SHTN1: variants seen among roughly 807,000 people sequenced by gnomAD.
SHTN1 encodes shootin-1.
Under a neutral mutation model 83.1 loss-of-function variants are expected in SHTN1, and 42 were observed. That is an observed-to-expected ratio of 0.51 (90% CI 0.39 to 0.65). SHTN1 has a LOEUF of 0.65. SHTN1 is among the 30% of genes least tolerant of loss of function. SHTN1 has a pLI of 0.00. For missense variants in SHTN1, 622 were observed against 737.8 expected, an observed-to-expected ratio of 0.84 and a Z score of 1.82; for synonymous variants, 224 against 247.7, an observed-to-expected ratio of 0.90 and a Z score of 0.90.
chr10:116,994,921 A>G (rs947418208), intron 1 of SHTN1, among the ~76,000 whole-genome samples: 7 of 152,180 alleles, frequency 4.6e-5, no homozygotes, highest in African/African-American at 1.7e-4. Flanking sequence ...AAACATTGTC[A>G]AATAACATGT....
At position 116,884,417 on chromosome 10, in the gene SHTN1, A is replaced by T. The variant is rs962777671; in HGVS notation, c.*1927T>A. 1.4e-5 allele frequency: 5 copies of T among 368,380 alleles called. No homozygotes were observed. The highest frequency in any genetic ancestry group is 1.1e-4 in the African/African-American group (5 of 47,280). 22.8% of individuals were successfully genotyped at this position (368,380 alleles called of 1,614,324 possible). ...ACAGTGAGAGAAAGTAAGCAGCTTA[A>T]AAAAGGCAGGAATACTTTCAAAATA... On this transcript the variant is annotated 3_prime_UTR_variant, in exon 17 of 17. Coordinates refer to ENST00000355371, the MANE Select transcript of SHTN1 (RefSeq NM_001127211.3).
intron 1 of SHTN1, among the ~76,000 whole-genome samples, chr10:116,981,574 C>T (rs1176453004): frequency 6.6e-6 from 1 of 152,182 alleles, no homozygotes; most frequent in Non-Finnish European, 1.5e-5. Flanking sequence ...CATGATCCCA[C>T]ATCTTACTAC....
At chr10:116,973,926 T>C in intron 2 of SHTN1, 1 of 1,280,870 alleles carries the variant, frequency 7.8e-7, no homozygotes, top group South Asian at 1.2e-5. Context: ...ACAATTCTAC[T>C]GCTCCACCTA....
chr10:117,112,639 G>A (rs1277395792), intron 1 of SHTN1, among the ~76,000 whole-genome samples: 1 of 152,196 alleles, frequency 6.6e-6, no homozygotes, highest in Non-Finnish European at 1.5e-5. Context: ...CAGAGTTAAT[G>A]AGAAATAGAA....
intron 1 of SHTN1, among the ~76,000 whole-genome samples, chr10:117,086,081 C>G (rs1389440890): frequency 2.0e-5 from 3 of 152,182 alleles, no homozygotes; most frequent in South Asian, 4.2e-4. Context: ...CCACCACGCC[C>G]AGCTAATTTT....
At chr10:116,918,789 C>T (rs1452753781) in intron 12 of SHTN1, among the ~76,000 whole-genome samples, 1 of 152,140 alleles carries the variant, frequency 6.6e-6, no homozygotes, top group Non-Finnish European at 1.5e-5. Context: ...TACAGATTAG[C>T]AAATCAAGGC....
At position 116,940,573 on chromosome 10, in the gene SHTN1, G is replaced by A; in HGVS notation, c.751C>T (p.Leu251Phe). Residue 251 changes from leucine to phenylalanine, a missense_variant, in exon 9 of 17, where the codon CTT (leucine) becomes TTT (phenylalanine). This residue lies in a region of SHTN1 where 383 missense variants were observed against 455.8 expected (regional missense o/e 0.84). Coordinates refer to ENST00000355371, the MANE Select transcript of SHTN1 (RefSeq NM_001127211.3). ...TCAGGGATGGAGCTCTGCAGCAGAA[G>A]GTGGCTTTGTCTCTTTAGCTTGTTT... ...EQNKLKRQSH[L>F]LLQSSIPDQQ... The A allele has an allele frequency of 1.2e-6, 2 of 1,612,354 alleles. No homozygotes were observed. The highest frequency in any genetic ancestry group is 1.7e-6 in the Non-Finnish European group (2 of 1,178,954).
At chr10:116,895,414 A>T (rs1193842123) in intron 16 of SHTN1, among the ~76,000 whole-genome samples, 1 of 152,228 alleles carries the variant, frequency 6.6e-6, no homozygotes, top group Non-Finnish European at 1.5e-5. Flanking sequence ...AAATTGAAAT[A>T]ATTTCTTTCC....
chr10:117,073,636 G>C (rs1289358001), intron 1 of SHTN1, among the ~76,000 whole-genome samples: 1 of 152,198 alleles, frequency 6.6e-6, no homozygotes, highest in Non-Finnish European at 1.5e-5. Flanking sequence ...AAGTATGGGT[G>C]ATGCCACCTC....
chr10:117,115,938 T>C (rs1413747480), intron 1 of SHTN1, among the ~76,000 whole-genome samples: 1 of 152,164 alleles, frequency 6.6e-6, no homozygotes, highest in Admixed American at 6.5e-5. Flanking sequence ...TTTTAATAGC[T>C]ATACAATCTT....
intron 4 of SHTN1, among the ~76,000 whole-genome samples, chr10:116,957,256 CTT>C (rs374905540): frequency 1.3e-4 from 18 of 135,112 alleles, no homozygotes; most frequent in African/African-American, 2.2e-4. Context: ...TATCTTTTTA[CTT>C]TTTTTTTTTT....
Position 117,005,138 on chromosome 10 carries a change from G to C in SHTN1, c.-59C>G, listed in dbSNP as rs781530219. ...AGGGAGCGGCGCGGGGCACACAGGA[G>C]GAGGGGGAAGAAAAAGCAAGATGCC... is the stretch of plus-strand genomic sequence containing the variant. On this transcript the variant is annotated 5_prime_UTR_variant, in exon 1 of 17. Coordinates refer to ENST00000355371, the MANE Select transcript of SHTN1 (RefSeq NM_001127211.3). 3.2e-6 allele frequency: 5 copies of C among 1,556,920 alleles called. No homozygotes were observed. Among genetic ancestry groups the C allele is most frequent in the Non-Finnish European group, 3.5e-6 (4 of 1,149,830 alleles).
At chr10:117,021,542 T>G (rs1456329681) in intron 2 of SHTN1, among the ~76,000 whole-genome samples, 1 of 152,230 alleles carries the variant, frequency 6.6e-6, no homozygotes, top group African/African-American at 2.4e-5. Context: ...AAACTATAAG[T>G]GTATAATTCA....
At chr10:116,911,091 T>C (rs1215956209) in intron 14 of SHTN1, among the ~76,000 whole-genome samples, 1 of 152,194 alleles carries the variant, frequency 6.6e-6, no homozygotes, top group Non-Finnish European at 1.5e-5. Context: ...ACTGGGACCG[T>C]AACAGGATCT....
intron 2 of SHTN1, among the ~76,000 whole-genome samples, chr10:117,012,459 T>A (rs1373699467): frequency 6.6e-6 from 1 of 152,088 alleles, no homozygotes; most frequent in Non-Finnish European, 1.5e-5. Context: ...ATATAGTGAA[T>A]CACTTTTTTT....
At chr10:116,912,233 C>G (rs977879057) in intron 13 of SHTN1, among the ~76,000 whole-genome samples, 1 of 152,176 alleles carries the variant, frequency 6.6e-6, no homozygotes, top group Non-Finnish European at 1.5e-5. Context: ...TGCCAGCAAG[C>G]AGAGACTAGA....
intron 2 of SHTN1, among the ~76,000 whole-genome samples, chr10:117,015,129 T>A (rs1028713127): frequency 1.3e-5 from 2 of 152,182 alleles, no homozygotes; most frequent in African/African-American, 2.4e-5. Flanking sequence ...AAGGCATTTG[T>A]AACAGATATC....
At chr10:116,980,308 T>C (rs1850968512) in intron 1 of SHTN1, among the ~76,000 whole-genome samples, 1 of 152,172 alleles carries the variant, frequency 6.6e-6, no homozygotes, top group Admixed American at 6.5e-5. Context: ...TTTCTTTTTT[T>C]AAGAGACAGG....
At chr10:116,959,975 A>G (rs1203230530) in intron 4 of SHTN1, among the ~76,000 whole-genome samples, 161 bp downstream of exon 4, 1 of 152,212 alleles carries the variant, frequency 6.6e-6, no homozygotes, top group Admixed American at 6.5e-5. Flanking sequence ...ATATTTACAT[A>G]ATCATATTCC....
Sources: allele counts gnomAD v4.1 joint callset (sites outside exome capture counted in the v4.1 genomes callset), GRCh38; gene constraint gnomAD v4.1.1; regional missense constraint gnomAD v4.1.1; transcripts MANE v1.5; gene names NCBI Gene and HGNC (gene_info 2026-07-23, HGNC 2026-07-21).